The following C8orf34 variants were observed in gnomAD, a reference collection of about 807,000 sequenced individuals.
C8orf34 encodes chromosome 8 open reading frame 34, also known as uncharacterized protein C8orf34.
A neutral mutation model predicts 68.3 loss-of-function variants in C8orf34; 65 were observed. That is an observed-to-expected ratio of 0.95 (90% confidence interval 0.78 to 1.17). The LOEUF is 1.17. Among genes scored for constraint, C8orf34 ranks in the 50% most tolerant of loss-of-function variants. The pLI is 0.00. For missense variants in C8orf34, 664 were observed against 655.4 expected (o/e 1.01, Z -0.14); for synonymous variants, 244 against 241.2 (o/e 1.01, Z -0.11).
chr8:68,498,383 A>T (rs1016451685), intron 5 of C8orf34, among the ~76,000 whole-genome samples: 4 of 152,222 alleles, frequency 2.6e-5, no homozygotes, highest in Non-Finnish European at 4.4e-5. Flanking sequence ...ATTTATTATT[A>T]TCCAAAACAA....
At chr8:68,614,781 T>G (rs1027646026) in intron 7 of C8orf34, among the ~76,000 whole-genome samples, 9 of 152,224 alleles carry the variant, frequency 5.9e-5, no homozygotes, top group African/African-American at 2.2e-4. Context: ...GGCTCTTTTT[T>G]GGTTCCACAT....
At position 68,558,522 on chromosome 8, in the gene C8orf34, A is replaced by G. The variant is rs75466682; in HGVS notation, c.1105+25373A>G. On this transcript the variant is annotated intron_variant, in intron 7 of 13. Coordinates refer to ENST00000518698, the MANE Select transcript of C8orf34 (RefSeq NM_052958.4). ...TAAAGTGTACCAATATGGAGGATTT[A>G]ATTAATTGAGAAATGTCTATAATTG... Among the ~76,000 whole-genome samples the G allele has an allele frequency of 9.3e-3, 1,422 of 152,122 alleles. 17 individuals are homozygous for G. The highest frequency in any genetic ancestry group is 0.011 in the Non-Finnish European group (716 of 67,954).
chr8:68,679,823 C>G (rs764600921), intron 8 of C8orf34, among the ~76,000 whole-genome samples: 32 of 152,118 alleles, frequency 2.1e-4, no homozygotes, highest in Non-Finnish European at 4.4e-4. Context: ...AGAACATGCA[C>G]AGGGGAAAGA....
At chr8:68,396,784 G>A (rs1438975434) in intron 1 of C8orf34, among the ~76,000 whole-genome samples, 1 of 137,650 alleles carries the variant, frequency 7.3e-6, no homozygotes, top group Non-Finnish European at 1.5e-5. Context: ...CTCCTGCCAT[G>A]TGATCTCTGC....
intron 4 of C8orf34, among the ~76,000 whole-genome samples, chr8:68,470,740 T>C (rs1812345898): frequency 6.6e-6 from 1 of 152,142 alleles, no homozygotes; most frequent in Non-Finnish European, 1.5e-5. Context: ...ATATCCTAGC[T>C]GTGTCCTCAC....
intron 1 of C8orf34, among the ~76,000 whole-genome samples, chr8:68,374,291 C>T (rs367665721): frequency 3.2e-4 from 49 of 152,048 alleles, no homozygotes; most frequent in African/African-American, 1.1e-3. Context: ...GTTTGTATCC[C>T]GTATGGTGTG....
chr8:68,476,603 G>A (rs1427532762), intron 4 of C8orf34, among the ~76,000 whole-genome samples: 1 of 152,160 alleles, frequency 6.6e-6, no homozygotes, highest in Non-Finnish European at 1.5e-5. Flanking sequence ...AAGAGGGAAA[G>A]GGCGAGTTGG....
intron 1 of C8orf34, among the ~76,000 whole-genome samples, chr8:68,376,522 A>G (rs1019465219): frequency 2.0e-5 from 3 of 152,134 alleles, no homozygotes; most frequent in Non-Finnish European, 4.4e-5. Context: ...AGTCGGACCC[A>G]GATAATCCGA....
intron 3 of C8orf34, among the ~76,000 whole-genome samples, chr8:68,461,510 T>C (rs1402175564): frequency 6.6e-6 from 1 of 151,954 alleles, no homozygotes; most frequent in Non-Finnish European, 1.5e-5. Flanking sequence ...AAAGTTGAAA[T>C]GAAGGAAAAA....
At chr8:68,628,797 T>TG (rs2130682892) in intron 7 of C8orf34, among the ~76,000 whole-genome samples, 2 of 152,338 alleles carry the variant, frequency 1.3e-5, no homozygotes, top group East Asian at 3.8e-4. Context: ...TGCAAATTAT[T>TG]TCATGGATTA....
chr8:68,595,111 TA>T (rs2130459487), intron 7 of C8orf34, among the ~76,000 whole-genome samples: 1 of 131,390 alleles, frequency 7.6e-6, no homozygotes, highest in Non-Finnish European at 1.7e-5. Context: ...GTTTTACAGT[TA>T]AAAATGGTAA....
chr8:68,471,089 A>G (rs1287083448), intron 4 of C8orf34, among the ~76,000 whole-genome samples: 1 of 152,118 alleles, frequency 6.6e-6, no homozygotes. Flanking sequence ...AATAAGGGCC[A>G]GAAAAGCTAT....
At chr8:68,722,035 T>C (rs1283727614) in intron 10 of C8orf34, among the ~76,000 whole-genome samples, 8 of 152,096 alleles carry the variant, frequency 5.3e-5, no homozygotes, top group African/African-American at 1.9e-4. Flanking sequence ...CTATATTCTC[T>C]GTATTAATTT....
intron 8 of C8orf34, among the ~76,000 whole-genome samples, chr8:68,665,076 G>T (rs969331391): frequency 1.3e-5 from 2 of 152,102 alleles, no homozygotes; most frequent in African/African-American, 4.8e-5. Context: ...GATTTAGCTA[G>T]AAAAATCTGG....
chr8:68,437,174 G>A (rs966769956), intron 1 of C8orf34, among the ~76,000 whole-genome samples: 1 of 152,130 alleles, frequency 6.6e-6, no homozygotes, highest in Admixed American at 6.5e-5. Context: ...TTAATAGACT[G>A]ATACTATTTT....
At chr8:68,595,326 T>C (rs1212018855) in intron 7 of C8orf34, among the ~76,000 whole-genome samples, 1 of 152,064 alleles carries the variant, frequency 6.6e-6, no homozygotes, top group Non-Finnish European at 1.5e-5. Context: ...TATTTATATG[T>C]CTAAAAATAT....
intron 7 of C8orf34, among the ~76,000 whole-genome samples, chr8:68,541,156 A>G (rs1815685800): frequency 1.3e-5 from 2 of 152,150 alleles, no homozygotes; most frequent in Admixed American, 6.5e-5. Flanking sequence ...GGTACTCAGT[A>G]TATCTGATAA....
At chr8:68,646,033 G>T (rs895065620) in intron 8 of C8orf34, among the ~76,000 whole-genome samples, 4 of 152,062 alleles carry the variant, frequency 2.6e-5, no homozygotes, top group Non-Finnish European at 5.9e-5. Context: ...TCCTCTTCCT[G>T]GGTCTTTAGG....
At chr8:68,557,394 TA>T in intron 7 of C8orf34, among the ~76,000 whole-genome samples, 1 of 152,224 alleles carries the variant, frequency 6.6e-6, no homozygotes, top group Non-Finnish European at 1.5e-5. Flanking sequence ...AAACTGTTTG[TA>T]GTTTTAAAAT....
Sources: allele counts gnomAD v4.1 joint callset (sites outside exome capture counted in the v4.1 genomes callset), GRCh38; gene constraint gnomAD v4.1.1; transcripts MANE v1.5; gene names NCBI Gene and HGNC (gene_info 2026-07-23, HGNC 2026-07-21).